GNG12: variants seen among roughly 807,000 people sequenced by gnomAD.
GNG12 encodes G protein subunit gamma 12.
For synonymous variants in GNG12, 28 were observed against 29.7 expected (o/e 0.94, Z 0.19); for missense variants, 69 against 83.8 (o/e 0.82, Z 0.69).
chr1:67,814,380 A>G lies in GNG12; in HGVS notation c.-77+18964T>C, dbSNP rs151243468. On this transcript the variant is annotated intron_variant, in intron 1 of 3. Transcript: ENST00000370982. Reference sequence around the variant, plus strand: ...TGAAATAACTAAAAATCCTGCATGTAGTGTAACAGTCAACTAAAGGCATAA... The same window carrying G: ...TGAAATAACTAAAAATCCTGCATGTGGTGTAACAGTCAACTAAAGGCATAA... Among the ~76,000 whole-genome samples the G allele has an allele frequency of 5.5e-3, 837 of 152,346 alleles. 17 individuals carry two copies. Among genetic ancestry groups the G allele is most frequent in the Middle Eastern group, 0.044 (13 of 294 alleles).
intron 1 of GNG12, among the ~76,000 whole-genome samples, chr1:67,817,342 A>C (rs1646958672): frequency 6.6e-6 from 1 of 152,236 alleles, no homozygotes; most frequent in African/African-American, 2.4e-5. Flanking sequence ...AACCTTGTGA[A>C]GTAGGTAAGT....
intron 2 of GNG12, among the ~76,000 whole-genome samples, chr1:67,716,851 GAAC>G (rs1348223998): frequency 6.6e-6 from 1 of 152,138 alleles, no homozygotes; most frequent in Admixed American, 6.5e-5. Context: ...TTATTTCTAA[GAAC>G]AACTGCCCCA....
chr1:67,812,693 T>G (rs1646932804), intron 1 of GNG12, among the ~76,000 whole-genome samples: 2 of 152,174 alleles, frequency 1.3e-5, no homozygotes, highest in Admixed American at 1.3e-4. Flanking sequence ...CTCCTAAATG[T>G]CTATAAAAGC....
chr1:67,812,486 G>C lies in GNG12; in HGVS notation c.-77+20858C>G, dbSNP rs536376507. On this transcript the variant is annotated intron_variant, in intron 1 of 3. Transcript: ENST00000370982. ...GTCATAATGCTTCAGAATGGAAGAGGCCTCAATGAGCCATCTACTCCACTC... is the reference window on the plus strand; with the variant it reads ...GTCATAATGCTTCAGAATGGAAGAGCCCTCAATGAGCCATCTACTCCACTC... Among the ~76,000 whole-genome samples the C allele has an allele frequency of 5.3e-5, 8 of 152,274 alleles. No individual in the cohort carries two copies. In the South Asian group the frequency reaches 1.7e-3, roughly 32 times the overall value.
At chr1:67,783,512 T>G (rs1231057462) in intron 1 of GNG12, among the ~76,000 whole-genome samples, 1 of 152,090 alleles carries the variant, frequency 6.6e-6, no homozygotes, top group Non-Finnish European at 1.5e-5. Context: ...CAAAAGAAAC[T>G]ACCATCAGAG....
chr1:67,818,990 T>TAGAAA (rs1646970296), intron 1 of GNG12, among the ~76,000 whole-genome samples: 1 of 152,168 alleles, frequency 6.6e-6, no homozygotes, highest in Non-Finnish European at 1.5e-5. Flanking sequence ...GACAATTTTC[T>TAGAAA]ATTGTCTATG....
chr1:67,747,320 A>G (rs1318554274), intron 2 of GNG12, among the ~76,000 whole-genome samples: 2 of 152,080 alleles, frequency 1.3e-5, no homozygotes, highest in Admixed American at 6.6e-5. Context: ...GGGTTTCACC[A>G]TATTGGCCAG....
intron 1 of GNG12, among the ~76,000 whole-genome samples, chr1:67,782,911 G>T (rs1250462138): frequency 6.6e-6 from 1 of 152,074 alleles, no homozygotes; most frequent in East Asian, 1.9e-4. Context: ...TGTTACTATG[G>T]CCATAGTTTA....
At chr1:67,831,138 T>C (rs910439444) in intron 1 of GNG12, among the ~76,000 whole-genome samples, 3 of 152,172 alleles carry the variant, frequency 2.0e-5, no homozygotes, top group Non-Finnish European at 4.4e-5. Flanking sequence ...CTCAGAAAAA[T>C]TTACTTGCTT....
At chr1:67,823,272 A>C (rs1048613754) in intron 1 of GNG12, among the ~76,000 whole-genome samples, 1 of 152,208 alleles carries the variant, frequency 6.6e-6, no homozygotes, top group Admixed American at 6.5e-5. Flanking sequence ...TTTGTTTGAG[A>C]GGGAGAAATT....
intron 2 of GNG12, among the ~76,000 whole-genome samples, chr1:67,756,180 T>G (rs1026436703): frequency 3.9e-5 from 6 of 152,014 alleles, no homozygotes; most frequent in Admixed American, 1.3e-4. Context: ...GCAATAGAGA[T>G]TCCAAGGCCA....
intron 2 of GNG12, among the ~76,000 whole-genome samples, chr1:67,760,524 G>C (rs548258567): frequency 6.6e-6 from 1 of 152,258 alleles, no homozygotes; most frequent in South Asian, 2.1e-4. Context: ...TAAGACACAC[G>C]TTGCTCATGA....
At chr1:67,778,020 AAC>A in intron 1 of GNG12, among the ~76,000 whole-genome samples, 1 of 151,736 alleles carries the variant, frequency 6.6e-6, no homozygotes, top group Middle Eastern at 3.5e-3. Flanking sequence ...ATAGAAATAT[AAC>A]CCAAGCCACA....
chr1:67,714,858 TTGGACATAGATG>T (rs1355925290), intron 2 of GNG12, among the ~76,000 whole-genome samples: 1 of 152,112 alleles, frequency 6.6e-6, no homozygotes, highest in Non-Finnish European at 1.5e-5. Flanking sequence ...AACGAGAAAT[TTGGACATAGATG>T]GGGACAGAGA....
chr1:67,774,844 G>GA (rs1557613282), intron 2 of GNG12, among the ~76,000 whole-genome samples: 2 of 151,230 alleles, frequency 1.3e-5, no homozygotes, highest in Admixed American at 6.6e-5. Flanking sequence ...TTTTGAAGAG[G>GA]AAAAAAAAGC....
chr1:67,775,885 G>A (rs1357461851), intron 2 of GNG12, among the ~76,000 whole-genome samples: 1 of 152,200 alleles, frequency 6.6e-6, no homozygotes, highest in East Asian at 1.9e-4. Context: ...GAAGGGGTAA[G>A]TGGAATGAAA....
At chr1:67,766,886 G>A (rs746901391) in intron 2 of GNG12, among the ~76,000 whole-genome samples, 5 of 152,126 alleles carry the variant, frequency 3.3e-5, no homozygotes, top group Non-Finnish European at 5.9e-5. Context: ...GTCCTCTTAG[G>A]GAATGCAGGT....
rs149739056 is a variant in GNG12, at chr1:67,819,139, C to T, written c.-77+14205G>A. On this transcript the variant is annotated intron_variant, in intron 1 of 3. Coordinates refer to ENST00000370982, the MANE Select transcript of GNG12 (RefSeq NM_018841.6). ...GGGTAGGGAGAAGCAGACATGCGGG[C>T]GCTTTAGGAGGTGGACCCAGGCTTT... 1.0e-3 allele frequency among the ~76,000 whole-genome samples: 157 copies of T among 152,118 alleles called. 1 individual carries two copies. Among genetic ancestry groups the T allele is most frequent in the Admixed American group, 2.1e-3 (32 of 15,264 alleles).
At chr1:67,832,083 A>G (rs887686816) in intron 1 of GNG12, among the ~76,000 whole-genome samples, 9 of 152,252 alleles carry the variant, frequency 5.9e-5, no homozygotes, top group African/African-American at 2.2e-4. Flanking sequence ...AGGCGAAGCT[A>G]CAACCGCCCC....
Sources: gnomAD v4.1 joint callset for allele counts (sites outside exome capture counted in the v4.1 genomes callset) on GRCh38, gnomAD v4.1.1 for gene constraint, MANE v1.5 for transcripts, NCBI Gene and HGNC (gene_info 2026-07-23, HGNC 2026-07-21) for gene names.